The following MDN1 variants were observed in gnomAD, a reference collection of about 807,000 sequenced individuals.
The protein encoded by MDN1 is midasin.
Under a neutral mutation model 669.2 loss-of-function variants are expected in MDN1, and 266 were observed. That is an observed-to-expected ratio of 0.40 (90% CI 0.36 to 0.44). The LOEUF is 0.44. MDN1 is among the 20% of genes least tolerant of loss of function. MDN1 has a pLI of 1.00. For missense variants in MDN1, 5,940 were observed against 6,754.0 expected, an observed-to-expected ratio of 0.88 and a Z score of 4.22; for synonymous variants, 2,385 against 2,457.1, an observed-to-expected ratio of 0.97 and a Z score of 0.87.
At chr6:89,743,432 G>T in intron 30 of MDN1, 144 bp downstream of exon 30, 1 of 1,345,184 alleles carries the variant, frequency 7.4e-7, no homozygotes, top group Non-Finnish European at 1.0e-6. Flanking sequence ...CAGAATGCTT[G>T]TGAAGGCCCT....
intron 37 of MDN1, among the ~76,000 whole-genome samples, chr6:89,727,383 G>A (rs1352996232): frequency 6.6e-6 from 1 of 152,114 alleles, no homozygotes; most frequent in Non-Finnish European, 1.5e-5. Context: ...CTCATACTCT[G>A]CTCTTTCTTC....
At chr6:89,792,949 G>C (rs572280419) in intron 5 of MDN1, among the ~76,000 whole-genome samples, 280 of 152,246 alleles carry the variant, frequency 1.8e-3, no homozygotes, top group Non-Finnish European at 3.3e-3. Flanking sequence ...AACCTGGGAG[G>C]GGGGAGGTTG....
rs1354490192 is a variant in MDN1 at position 89,813,652 on chromosome 6, G to A, written c.102+5854C>T. Among the ~76,000 whole-genome samples, 4 of 151,934 alleles carry A rather than the reference G, an allele frequency of 2.6e-5. No individual in the cohort carries two copies. In the South Asian group the frequency reaches 8.3e-4, roughly 31 times the overall value. On this transcript the variant is annotated intron_variant, in intron 1 of 101. Transcript: ENST00000369393. The stretch of plus-strand genomic sequence containing the variant: ...AGGATGAGGTGGGAGGACCATTTGA[G>A]CCCAGGAGGTCAAGGCTGAAGTGAG...
At chr6:89,730,186 A>T (rs1456922178) in intron 35 of MDN1, among the ~76,000 whole-genome samples, 1 of 152,122 alleles carries the variant, frequency 6.6e-6, no homozygotes, top group Admixed American at 6.6e-5. Context: ...ACACAAACCC[A>T]CTATCTCCTA....
chr6:89,652,469 TAGAG>T (rs1283972430), intron 94 of MDN1, among the ~76,000 whole-genome samples, 188 bp from the exon 95 acceptor site: 19 of 152,198 alleles, frequency 1.2e-4, no homozygotes, highest in Non-Finnish European at 2.8e-4. Flanking sequence ...GCTTCCCTCT[TAGAG>T]AGACAATATG....
chr6:89,721,310 C>A (rs537739041), intron 40 of MDN1, among the ~76,000 whole-genome samples: 1 of 152,294 alleles, frequency 6.6e-6, no homozygotes, highest in South Asian at 2.1e-4. Flanking sequence ...AAGCCTAACT[C>A]AAGCCATTGG....
chr6:89,664,962 G>A (rs78329749), intron 84 of MDN1, among the ~76,000 whole-genome samples: 3,184 of 151,936 alleles, frequency 0.021, 63 homozygotes, highest in Non-Finnish European at 0.031. Context: ...CACTATTATC[G>A]CTGAAAGACA....
intron 17 of MDN1, 81 bp from the exon 18 acceptor site, chr6:89,759,041 G>C: frequency 7.1e-7 from 1 of 1,401,264 alleles, no homozygotes; most frequent in Non-Finnish European, 9.9e-7. Context: ...AGCAGGGTTA[G>C]AAATAGAGGC....
intron 2 of MDN1, chr6:89,797,901 C>T: frequency 5.7e-6 from 1 of 176,542 alleles, no homozygotes; most frequent in Non-Finnish European, 1.2e-5. Flanking sequence ...AGAAAGTCGG[C>T]CAGGCGTGGT....
chr6:89,661,181 CATAGCAGTGCCAAA>C (rs548899314), intron 88 of MDN1, among the ~76,000 whole-genome samples: 122 of 152,290 alleles, frequency 8.0e-4, no homozygotes, highest in Middle Eastern at 3.4e-3. Context: ...ACCACCAGGG[CATAGCAGTGCCAAA>C]AGCGAGAATA....
At position 89,716,651 on chromosome 6, in the gene MDN1, T is replaced by A. The variant is rs1584255717; in HGVS notation, c.6742A>T (p.Asn2248Tyr). The A allele has an allele frequency of 6.2e-7, 1 of 1,609,340 alleles. No individual in the cohort carries two copies. The highest frequency in any genetic ancestry group is 2.2e-5 in the East Asian group (1 of 44,786). The change falls in exon 44 of 102, where the codon AAC becomes TAC. Residue 2248 changes from asparagine (N) to tyrosine (Y), a missense_variant and splice_region_variant. Physicochemically the swap from Asn to Tyr is moderately radical, Grantham distance 143. Coordinates refer to ENST00000369393, the MANE Select transcript of MDN1 (RefSeq NM_014611.3). ...WLLMDNVNFC[N>Y]PSVLDRLNAL... ...ACTGATTAGGCATAAGGTTCTTACTTGCAGAAGTTAACATTGTCCATCAGA... is the reference window on the plus strand; with the variant it reads ...ACTGATTAGGCATAAGGTTCTTACTAGCAGAAGTTAACATTGTCCATCAGA...
rs754029807 is a variant in MDN1, at chr6:89,673,373, G to A, written c.13337C>T (p.Pro4446Leu). The A allele has an allele frequency of 1.9e-6, 3 of 1,613,972 alleles. No individual in the cohort carries two copies. Among genetic ancestry groups the A allele is most frequent in the Non-Finnish European group, 2.5e-6 (3 of 1,180,026 alleles). ...LQGLESLFILPGMEVEQRDSQ... is the reference protein window; with the variant it reads ...LQGLESLFILLGMEVEQRDSQ... ...GTCTCTTTGCTCAACCTCCATCCCT[G>A]GAAGAATGAACAAGGACTCTAGGCC... Residue 4446 changes from proline to leucine, a missense_variant, in exon 80 of 102, where the codon CCA (proline) becomes CTA (leucine). This residue lies in a region of MDN1 where 2,280 missense variants were observed against 2,576.3 expected (regional missense o/e 0.88). Coordinates refer to ENST00000369393, the MANE Select transcript of MDN1 (RefSeq NM_014611.3).
intron 84 of MDN1, among the ~76,000 whole-genome samples, chr6:89,665,612 C>A (rs564381672): frequency 6.5e-4 from 95 of 145,922 alleles, no homozygotes; most frequent in African/African-American, 2.3e-3. Flanking sequence ...GAGGCTGAGG[C>A]GGGATAACTG....
intron 31 of MDN1, 112 bp from the exon 32 acceptor site, chr6:89,740,490 T>A: frequency 9.5e-7 from 1 of 1,051,036 alleles, no homozygotes; most frequent in South Asian, 1.9e-5. Context: ...ACTGAATTTT[T>A]ACTTTAGTTA....
Position 89,759,820 on chromosome 6 carries a change from G to A in MDN1, c.2461-860C>T, listed in dbSNP as rs1449770935. 2.7e-5 allele frequency among the ~76,000 whole-genome samples: 4 copies of A among 150,804 alleles called. 1 individual carries two copies. The highest frequency in any genetic ancestry group is 5.9e-5 in the Non-Finnish European group (4 of 67,762). Reference sequence around the variant, plus strand: ...GGGGCAATGGCTCATGCCTGTAATCGCAGCACTCTGGAAGGCCAAGGTGGG... The same window carrying A: ...GGGGCAATGGCTCATGCCTGTAATCACAGCACTCTGGAAGGCCAAGGTGGG... On this transcript the variant is annotated intron_variant, in intron 17 of 101. Coordinates refer to ENST00000369393, the MANE Select transcript of MDN1 (RefSeq NM_014611.3).
rs78643319 is a variant in MDN1 at position 89,775,604 on chromosome 6, T to C, written c.1822-871A>G. ...GACATAAAACAAGAATGGCAAAATA[T>C]TAACAATGTCAGCAATGAAACAAAG... On this transcript the variant is annotated intron_variant, in intron 12 of 101. Coordinates refer to ENST00000369393, the MANE Select transcript of MDN1 (RefSeq NM_014611.3). Among the ~76,000 whole-genome samples the C allele has an allele frequency of 9.3e-4, 142 of 152,322 alleles. 5 individuals carry two copies. The East Asian group carries it at 0.026, about 27-fold the overall frequency.
In MDN1 at chr6:89,751,579, T is replaced by C; in HGVS notation, c.3079A>G (p.Ile1027Val). ...GNVKSLLKQP[I>V]PEPKGGRLIQ... ...AGCCGACCTCCTTTTGGCTCTGGAATAGGCTGAAAGACACAGAAGTTCAAG... is the reference window on the plus strand; with the variant it reads ...AGCCGACCTCCTTTTGGCTCTGGAACAGGCTGAAAGACACAGAAGTTCAAG... Residue 1027 changes from isoleucine (I) to valine (V), a missense_variant, in exon 23 of 102, where the codon ATT becomes GTT. By Grantham distance (29) the Ile-to-Val change is conservative. Around this residue, in one of 5 missense-constraint regions of MDN1, gnomAD observed 1,203 missense variants for 1,268.9 expected, o/e 0.95. Transcript: ENST00000369393. 1 of 1,613,768 alleles carries C rather than the reference T, an allele frequency of 6.2e-7. No homozygotes were observed. The highest frequency in any genetic ancestry group is 1.7e-5 in the Admixed American group (1 of 59,954).
intron 24 of MDN1, 139 bp downstream of exon 24, chr6:89,750,215 T>C: frequency 1.2e-6 from 1 of 828,426 alleles, no homozygotes. Flanking sequence ...CTTAACTATC[T>C]TAGCTCAGGC....
intron 84 of MDN1, among the ~76,000 whole-genome samples, chr6:89,665,614 G>A (rs1200527800): frequency 6.6e-6 from 1 of 151,100 alleles, no homozygotes; most frequent in Non-Finnish European, 1.5e-5. Flanking sequence ...GGCTGAGGCG[G>A]GATAACTGCT....
Sources: allele counts gnomAD v4.1 joint callset (sites outside exome capture counted in the v4.1 genomes callset), GRCh38; gene constraint gnomAD v4.1.1; regional missense constraint gnomAD v4.1.1; transcripts MANE v1.5; gene names NCBI Gene and HGNC (gene_info 2026-07-23, HGNC 2026-07-21).